Variants in DICER1 observed in about 807,000 individuals in gnomAD.
The protein encoded by DICER1 is dicer 1, ribonuclease III, also known as endoribonuclease Dicer.
In DICER1, 43 loss-of-function variants were observed where a neutral mutation model predicts 194.1. The observed-to-expected ratio is 0.22, with a 90% confidence interval of 0.17 to 0.29. DICER1 has a LOEUF of 0.29. Among genes scored for constraint, DICER1 ranks in the 10% least tolerant of loss-of-function variants. DICER1 has a pLI of 1.00. For synonymous variants in DICER1, 832 were observed against 820.5 expected (o/e 1.01, Z -0.24); for missense variants, 1,608 against 2,317.0 (o/e 0.69, Z 6.28).
chr14:95,090,815 A>AC (rs1209335348), intron 26 of DICER1, 152 bp from the exon 27 acceptor site: 1 of 1,029,262 alleles, frequency 9.7e-7, no homozygotes, highest in Admixed American at 1.9e-5. Flanking sequence ...GCAATTGCAT[A>AC]CCCCCGACAG....
intron 4 of DICER1, among the ~76,000 whole-genome samples, chr14:95,130,509 C>T (rs1893863583): frequency 6.6e-6 from 1 of 152,224 alleles, no homozygotes; most frequent in Admixed American, 6.5e-5. Flanking sequence ...TTAGGCAAAT[C>T]ACAAAACAAT....
In DICER1 at chr14:95,100,598, G is replaced by A. The variant is rs189006811; in HGVS notation, c.4051-663C>T. On this transcript the variant is annotated intron_variant, in intron 21 of 26. Transcript: ENST00000343455. The stretch of plus-strand genomic sequence containing the variant: ...GCTTTACTATCTTACCCTCTACTCC[G>A]GTCTGTTTTTCCTAATGCCTCTATC... 4.0e-3 allele frequency among the ~76,000 whole-genome samples: 609 copies of A among 152,098 alleles called. 2 individuals are homozygous for A. The highest frequency in any genetic ancestry group is 6.8e-3 in the Middle Eastern group (2 of 294).
intron 6 of DICER1, among the ~76,000 whole-genome samples, chr14:95,126,983 A>C (rs1487324210): frequency 6.6e-6 from 1 of 152,190 alleles, no homozygotes; most frequent in Non-Finnish European, 1.5e-5. Flanking sequence ...TGTTTAAAAG[A>C]TGTTTTCAAA....
At chr14:95,115,387 A>C (rs1892344564) in intron 11 of DICER1, among the ~76,000 whole-genome samples, 1 of 152,206 alleles carries the variant, frequency 6.6e-6, no homozygotes, top group South Asian at 2.1e-4. Flanking sequence ...GATTTAGAAA[A>C]AAATTGGTGA....
Position 95,129,488 on chromosome 14 carries a change from G to A in DICER1, c.718C>T (p.Leu240=), listed in dbSNP as rs1060503615. 1.2e-6 allele frequency: 2 copies of A among 1,613,758 alleles called. No individual in the cohort carries two copies. Among genetic ancestry groups the A allele is most frequent in the Non-Finnish European group, 1.7e-6 (2 of 1,179,842 alleles). The change falls in exon 6 of 27, where the codon CTG becomes TTG. Residue 240 remains leucine (L), a synonymous_variant. Coordinates refer to ENST00000343455, the MANE Select transcript of DICER1 (RefSeq NM_177438.3). ...LKSNAETATD[L]VVLDRYTSQP... The stretch of plus-strand genomic sequence containing the variant: ...AGTGCATACCTGTCTAAGACCACCA[G>A]GTCAGTTGCAGTTTCAGCATTACTC...
intron 3 of DICER1, 138 bp from the exon 4 acceptor site, chr14:95,131,777 TA>T: frequency 1.2e-6 from 1 of 855,042 alleles, no homozygotes; most frequent in Non-Finnish European, 1.9e-6. Context: ...ATAGCCTCTT[TA>T]AAACCACAGT....
chr14:95,087,577 G>C lies in DICER1; in HGVS notation c.*2921C>G, dbSNP rs1889438148. 4.3e-6 allele frequency: 1 copy of C among 233,010 alleles called. No individual in the cohort carries two copies. The allele number at this position is 233,010 out of a possible 1,614,324, so 14.4% of individuals were successfully genotyped here. On this transcript the variant is annotated 3_prime_UTR_variant, in exon 27 of 27. Transcript: ENST00000343455. ...TGTTAAGCATATTTTCTTGAAATGA[G>C]GTAAAGCATGGTACCAAGTGCAATG...
intron 1 of DICER1, among the ~76,000 whole-genome samples, chr14:95,153,896 A>G (rs141370618): frequency 6.6e-6 from 1 of 152,366 alleles, no homozygotes; most frequent in East Asian, 1.9e-4. Context: ...CCAAGAAAAT[A>G]ATGCTGCCTC....
rs201212908 is a variant in DICER1, at chr14:95,107,994, T to C, written c.2536A>G (p.Ile846Val). The C allele has an allele frequency of 3.1e-5, 50 of 1,613,432 alleles. No individual in the cohort carries two copies. The highest frequency in any genetic ancestry group is 5.0e-5 in the Admixed American group (3 of 60,004). Residue 846 changes from isoleucine (I) to valine (V), a missense_variant, in exon 16 of 27, where the codon ATT becomes GTT. Physicochemically the swap from Ile to Val is conservative, Grantham distance 29. Transcript: ENST00000343455. ...FMLSLQMLEL[I>V]TRLHQYIFSH... ...AATATATACTGGTGAAGTCTTGTAATCAACTCAAGCATTTGTAGAGACAAC... is the reference window on the plus strand; with the variant it reads ...AATATATACTGGTGAAGTCTTGTAACCAACTCAAGCATTTGTAGAGACAAC...
At chr14:95,149,409 AGT>A (rs1448055606) in intron 1 of DICER1, among the ~76,000 whole-genome samples, 3 of 152,180 alleles carry the variant, frequency 2.0e-5, no homozygotes, top group Non-Finnish European at 4.4e-5. Flanking sequence ...CACCAAAACA[AGT>A]GTGTACCAAC....
At position 95,116,503 on chromosome 14, in the gene DICER1, T is replaced by G. The variant is rs2140123428; in HGVS notation, c.1702A>C (p.Lys568Gln). The change falls in exon 10 of 27, where the codon AAA becomes CAA. Residue 568 changes from lysine to glutamine, a missense_variant. Lys to Gln is a moderately conservative substitution (Grantham distance 53). Transcript: ENST00000343455. The stretch of plus-strand genomic sequence containing the variant: ...AGGTCTTCTTCAAAACTTTTTATTT[T>G]GTCTGTATCCGCTAACATTATATAA... The part of the protein sequence containing the change: ...SNYIMLADTD[K>Q]IKSFEEDLKT... The G allele has an allele frequency of 6.2e-7, 1 of 1,613,892 alleles. No individual in the cohort carries two copies. Among genetic ancestry groups the G allele is most frequent in the African/African-American group, 1.3e-5 (1 of 75,058 alleles).
chr14:95,137,575 G>C (rs1264169906), intron 1 of DICER1, among the ~76,000 whole-genome samples: 1 of 151,696 alleles, frequency 6.6e-6, no homozygotes, highest in Non-Finnish European at 1.5e-5. Flanking sequence ...GGAAGGGAAA[G>C]GGGAAGGGGA....
intron 4 of DICER1, among the ~76,000 whole-genome samples, chr14:95,131,081 G>A (rs1172434945): frequency 6.6e-6 from 1 of 152,130 alleles, no homozygotes; most frequent in Non-Finnish European, 1.5e-5. Context: ...CCGGGCTGGA[G>A]TGCAGTGGCG....
intron 1 of DICER1, among the ~76,000 whole-genome samples, chr14:95,144,297 T>C (rs765493153): frequency 1.1e-4 from 17 of 152,108 alleles, no homozygotes; most frequent in Non-Finnish European, 1.6e-4. Flanking sequence ...ACTGGGGATA[T>C]AGGAAGCAGC....
intron 8 of DICER1, among the ~76,000 whole-genome samples, chr14:95,119,155 T>C (rs1892734633): frequency 6.6e-6 from 1 of 152,210 alleles, no homozygotes; most frequent in South Asian, 2.1e-4. Context: ...TTGAATATAA[T>C]AGAGATTTAG....
chr14:95,121,628 A>G (rs368616530), intron 8 of DICER1, among the ~76,000 whole-genome samples: 2 of 152,202 alleles, frequency 1.3e-5, no homozygotes, highest in East Asian at 3.9e-4. Flanking sequence ...AGTATATTAC[A>G]CGGTGAAAAG....
At chr14:95,090,960 T>A (rs1245906265) in intron 26 of DICER1, 74 bp downstream of exon 26, 2 of 1,375,448 alleles carry the variant, frequency 1.5e-6, no homozygotes, top group African/African-American at 2.9e-5. Context: ...ATCATTAGTT[T>A]ACAATATCTT....
At position 95,087,240 on chromosome 14, in the gene DICER1, A is replaced by G. The variant is rs1889406629; in HGVS notation, c.*3258T>C. ...GGTATCAGAATCTTTCTGAGGGCAA[A>G]GTATTATTAACAAATAAAAATATCA... On this transcript the variant is annotated 3_prime_UTR_variant, in exon 27 of 27. Coordinates refer to ENST00000343455, the MANE Select transcript of DICER1 (RefSeq NM_177438.3). 4.3e-6 allele frequency: 1 copy of G among 233,382 alleles called. No homozygotes were observed. Among genetic ancestry groups the G allele is most frequent in the African/African-American group, 2.2e-5 (1 of 45,478 alleles). 14.5% of individuals were successfully genotyped at this position (233,382 alleles called of 1,614,324 possible). A position where few individuals can be genotyped will look rare whatever the true frequency, so the allele number is the denominator to read the frequency against.
intron 10 of DICER1, among the ~76,000 whole-genome samples, chr14:95,116,197 C>T (rs545609188): frequency 2.0e-5 from 3 of 152,292 alleles, no homozygotes; most frequent in South Asian, 2.1e-4. Flanking sequence ...ATTTCCCAGA[C>T]GTTCATCCCA....
Sources: gnomAD v4.1 joint callset for allele counts (sites outside exome capture counted in the v4.1 genomes callset) on GRCh38, gnomAD v4.1.1 for gene constraint, MANE v1.5 for transcripts, NCBI Gene and HGNC (gene_info 2026-07-23, HGNC 2026-07-21) for gene names.